Variants in SHISA9 observed in about 807,000 individuals in gnomAD.
SHISA9 encodes the protein protein shisa-9.
A neutral mutation model predicts 38.0 loss-of-function variants in SHISA9; 13 were observed. The observed-to-expected ratio is 0.34, with a 90% CI of 0.22 to 0.54. The LOEUF is 0.54. Among genes scored for constraint, SHISA9 ranks in the 20% least tolerant of loss-of-function variants. The pLI is 0.91. For missense variants in SHISA9, 538 were observed against 575.8 expected, an observed-to-expected ratio of 0.93 and a Z score of 0.67; for synonymous variants, 275 against 242.0, an observed-to-expected ratio of 1.14 and a Z score of -1.27.
intron 2 of SHISA9, among the ~76,000 whole-genome samples, chr16:13,106,966 TTCTCTCTCTCTCTCTCTCTC>T (rs56109043): frequency 2.8e-5 from 4 of 145,318 alleles, no homozygotes; most frequent in Admixed American, 2.1e-4. Context: ...CTTTCTCACG[TTCTCTCTCTCTCTCTCTCTC>T]TCTCTCTCTC....
At chr16:13,116,471 G>A (rs1046113892) in intron 2 of SHISA9, among the ~76,000 whole-genome samples, 3 of 152,170 alleles carry the variant, frequency 2.0e-5, no homozygotes, top group South Asian at 2.1e-4. Context: ...AGATGTGAAA[G>A]TGATTTGAGA....
the SHISA9 span, among the ~76,000 whole-genome samples, chr16:13,561,674 G>C: frequency 1.3e-5 from 2 of 152,216 alleles, no homozygotes; most frequent in East Asian, 3.9e-4. Flanking sequence ...AGCTCCATGA[G>C]TCTGCGGTGC....
At chr16:13,320,266 C>T in the SHISA9 span, among the ~76,000 whole-genome samples, 24 of 117,470 alleles carry the variant, frequency 2.0e-4, no homozygotes, top group African/African-American at 7.7e-4. Context: ...GCACTCCAGC[C>T]TGGGTGACAG....
chr16:13,053,913 C>T (rs1326283338), intron 2 of SHISA9, among the ~76,000 whole-genome samples: 1 of 152,170 alleles, frequency 6.6e-6, no homozygotes, highest in African/African-American at 2.4e-5. Context: ...AGCAATGAGG[C>T]CAAGAAGCCC....
chr16:13,410,430 A>T, the SHISA9 span, among the ~76,000 whole-genome samples: 8 of 152,136 alleles, frequency 5.3e-5, no homozygotes, highest in African/African-American at 1.9e-4. Context: ...TTCATAAATG[A>T]TACGTCATGT....
At chr16:13,062,701 C>T (rs2073390076) in intron 2 of SHISA9, among the ~76,000 whole-genome samples, 2 of 152,164 alleles carry the variant, frequency 1.3e-5, no homozygotes, top group Admixed American at 1.3e-4. Context: ...ACTAATTTGG[C>T]TTGGCAGAGT....
At chr16:12,993,209 A>T (rs2072411310) in intron 2 of SHISA9, among the ~76,000 whole-genome samples, 1 of 147,432 alleles carries the variant, frequency 6.8e-6, no homozygotes, top group African/African-American at 2.5e-5. Flanking sequence ...TTCAGATTTG[A>T]AATAAGGGTT....
the SHISA9 span, among the ~76,000 whole-genome samples, chr16:13,541,253 TG>T: frequency 6.6e-6 from 1 of 152,120 alleles, no homozygotes; most frequent in Non-Finnish European, 1.5e-5. Context: ...TAAACAGTAG[TG>T]GCTCCAGAAT....
intron 2 of SHISA9, among the ~76,000 whole-genome samples, chr16:13,019,936 TTTCTTTCTTTC>T (rs1196122599): frequency 1.2e-5 from 1 of 85,722 alleles, no homozygotes; most frequent in South Asian, 4.0e-4. Flanking sequence ...TCTTTCTTTC[TTTCTTTCTTTC>T]TTTCTTTCTT....
the SHISA9 span, among the ~76,000 whole-genome samples, chr16:13,296,140 T>C: frequency 6.6e-6 from 1 of 152,180 alleles, no homozygotes; most frequent in African/African-American, 2.4e-5. Flanking sequence ...ATCTTTTTTA[T>C]TGAATGCAAT....
intron 2 of SHISA9, among the ~76,000 whole-genome samples, chr16:12,976,610 T>C (rs1307319871): frequency 6.6e-6 from 1 of 152,218 alleles, no homozygotes; most frequent in East Asian, 1.9e-4. Flanking sequence ...CTGAAGGTAC[T>C]TTCCTCATTC....
chr16:13,510,955 A>G, the SHISA9 span, among the ~76,000 whole-genome samples: 3 of 152,210 alleles, frequency 2.0e-5, no homozygotes, highest in South Asian at 6.2e-4. Context: ...ACTAGGTGAC[A>G]AATGTCTCTT....
chr16:13,535,259 A>G, the SHISA9 span, among the ~76,000 whole-genome samples: 1 of 152,206 alleles, frequency 6.6e-6, no homozygotes, highest in African/African-American at 2.4e-5. Flanking sequence ...AAATAAATAA[A>G]TAAAATTCTG....
At chr16:13,268,565 C>G in the SHISA9 span, among the ~76,000 whole-genome samples, 2 of 152,110 alleles carry the variant, frequency 1.3e-5, no homozygotes, top group African/African-American at 4.8e-5. Context: ...TTGTACAAGA[C>G]TTAGCAGCAC....
the SHISA9 span, among the ~76,000 whole-genome samples, chr16:13,544,852 A>T: frequency 6.6e-6 from 1 of 152,108 alleles, no homozygotes; most frequent in Non-Finnish European, 1.5e-5. Flanking sequence ...CTGAGGCAGG[A>T]GAATCACTTA....
the SHISA9 span, among the ~76,000 whole-genome samples, chr16:13,295,810 C>T: frequency 1.3e-5 from 2 of 152,014 alleles, no homozygotes; most frequent in African/African-American, 2.4e-5. Flanking sequence ...TCTAGAGGAC[C>T]AATGCATGAA....
chr16:13,167,369 G>A (rs555886864), intron 2 of SHISA9, among the ~76,000 whole-genome samples: 1 of 152,074 alleles, frequency 6.6e-6, no homozygotes, highest in Admixed American at 6.6e-5. Flanking sequence ...AGTGCACCCG[G>A]CCACTTTACT....
intron 2 of SHISA9, among the ~76,000 whole-genome samples, chr16:12,965,394 G>A (rs1177991208): frequency 3.9e-5 from 6 of 152,164 alleles, no homozygotes; most frequent in Non-Finnish European, 8.8e-5. Context: ...TTTGTTGGCA[G>A]TCATTCCTCC....
intron 2 of SHISA9, among the ~76,000 whole-genome samples, chr16:13,184,879 T>C (rs1008449683): frequency 2.6e-5 from 4 of 152,248 alleles, no homozygotes; most frequent in African/African-American, 9.6e-5. Context: ...TTGGCAATTA[T>C]GAATAAATCC....
Sources: gnomAD v4.1 joint callset for allele counts (sites outside exome capture counted in the v4.1 genomes callset) on GRCh38, gnomAD v4.1.1 for gene constraint, MANE v1.5 for transcripts, NCBI Gene and HGNC (gene_info 2026-07-23, HGNC 2026-07-21) for gene names.